The following ANAPC1 variants were observed in gnomAD, a reference collection of about 807,000 sequenced individuals.
ANAPC1 encodes the protein anaphase promoting complex subunit 1.
In ANAPC1, 36 loss-of-function variants were observed where a neutral mutation model predicts 208.0. The ratio of observed to expected loss-of-function variants is 0.17; its 90% confidence interval spans 0.13 to 0.23. The LOEUF (loss-of-function observed/expected upper bound fraction) is 0.23. Ranked by LOEUF, ANAPC1 falls within the 10% of genes least tolerant of loss-of-function variation. The pLI is 1.00. For missense variants in ANAPC1, 942 were observed against 2,011.6 expected, an observed-to-expected ratio of 0.47 and a Z score of 10.17; for synonymous variants, 378 against 695.2, an observed-to-expected ratio of 0.54 and a Z score of 7.18.
intron 18 of ANAPC1, among the ~76,000 whole-genome samples, chr2:111,836,295 A>T (rs1038995866): frequency 6.6e-6 from 1 of 151,808 alleles, no homozygotes; most frequent in African/African-American, 2.4e-5. Flanking sequence ...ATTTAAAAGA[A>T]ATTAAATTAA....
intron 28 of ANAPC1, among the ~76,000 whole-genome samples, chr2:111,810,301 G>GT (rs944543490): frequency 8.5e-5 from 12 of 140,956 alleles, no homozygotes; most frequent in African/African-American, 3.1e-4. Context: ...TGAAGTGAAG[G>GT]TGGGGGGGGG....
chr2:111,831,578 G>A (rs1680133247), intron 20 of ANAPC1, 144 bp from the exon 21 acceptor site: 11 of 762,922 alleles, frequency 1.4e-5, no homozygotes, highest in South Asian at 7.5e-5. Flanking sequence ...AGTGGCTCAC[G>A]CCTGTAACCC....
intron 38 of ANAPC1, among the ~76,000 whole-genome samples, 191 bp downstream of exon 38, chr2:111,792,171 T>C: frequency 6.7e-6 from 1 of 150,130 alleles, no homozygotes; most frequent in Non-Finnish European, 1.5e-5. Flanking sequence ...GAGAGGATGG[T>C]AATTCTACTG....
intron 43 of ANAPC1, among the ~76,000 whole-genome samples, chr2:111,781,758 GAA>G (rs1298359281): frequency 1.3e-5 from 2 of 152,244 alleles, no homozygotes; most frequent in African/African-American, 4.8e-5. Flanking sequence ...TCTTGTGTTG[GAA>G]ACTTATCTGA....
chr2:111,864,752 T>G, intron 8 of ANAPC1, 54 bp downstream of exon 8: 21 of 1,606,372 alleles, frequency 1.3e-5, no homozygotes, highest in Non-Finnish European at 1.8e-5. Flanking sequence ...TGTGAGCCAG[T>G]GCACCCAGCC....
At chr2:111,799,329 A>G (rs1192906564) in intron 34 of ANAPC1, among the ~76,000 whole-genome samples, 1 of 152,220 alleles carries the variant, frequency 6.6e-6, no homozygotes, top group African/African-American at 2.4e-5. Flanking sequence ...GCAACAGCCA[A>G]CACTCTCAAA....
intron 28 of ANAPC1, among the ~76,000 whole-genome samples, chr2:111,810,882 CAAA>C (rs1162540899): frequency 5.4e-4 from 39 of 71,798 alleles, no homozygotes; most frequent in Admixed American, 1.9e-3. Context: ...GACTCCACAT[CAAA>C]AAAAAAAAAA....
rs183401861 is a variant in ANAPC1, at chr2:111,872,696, G to A, written c.545C>T (p.Pro182Leu). 341 of 1,613,408 alleles carry A rather than the reference G, an allele frequency of 2.1e-4. 11 individuals carry two copies. The highest frequency in any genetic ancestry group is 9.9e-4 in the Middle Eastern group (6 of 6,056). ...TTCAAACAGCAATCCATATTTAGTGGGCCAAACATTTGCAACCTTTCAGGT... is the reference window on the plus strand; with the variant it reads ...TTCAAACAGCAATCCATATTTAGTGAGCCAAACATTTGCAACCTTTCAGGT... ...SLPFQVANVW[P>L]TKYGLLFERS... The change falls in exon 6 of 48, where the codon CCC (proline) becomes CTC (leucine). Residue 182 changes from proline (P) to leucine (L), a missense_variant. Coordinates refer to ENST00000341068, the MANE Select transcript of ANAPC1 (RefSeq NM_022662.4).
intron 6 of ANAPC1, among the ~76,000 whole-genome samples, chr2:111,871,802 T>G (rs1682762698): frequency 6.6e-6 from 1 of 152,230 alleles, no homozygotes; most frequent in Non-Finnish European, 1.5e-5. Context: ...TTGTCATTGT[T>G]GCTGTATAGC....
intron 5 of ANAPC1, 123 bp from the exon 6 acceptor site, chr2:111,872,835 A>C (rs4848826): frequency 0.62 from 395,476 of 640,708 alleles, 123,214 homozygotes; most frequent in South Asian, 0.69. Context: ...AAAGTAACAT[A>C]ATCATTAAAT....
rs1437191682 is a variant in ANAPC1, at chr2:111,821,333, G to A, written c.3112C>T (p.Arg1038Ter). Reference protein sequence around the residue: ...WSEDLRVQDVRRLLQSAHPVR... With the variant: ...WSEDLRVQDV Reference sequence around the variant, plus strand: ...GGATGCGCACTCTGAAGAAGCCTTCGCACATCCTGCACCCTTAAATCTTCA... The same window carrying A: ...GGATGCGCACTCTGAAGAAGCCTTCACACATCCTGCACCCTTAAATCTTCA... Residue 1038 changes from arginine (R) to a stop codon, truncating the protein, a stop_gained, in exon 26 of 48, where the codon CGA becomes TGA. Transcript: ENST00000341068. LOFTEE classifies it high-confidence loss of function. 6 of 1,608,070 alleles carry A rather than the reference G, an allele frequency of 3.7e-6. No homozygotes were observed. Among genetic ancestry groups the A allele is most frequent in the East Asian group, 2.2e-5 (1 of 44,826 alleles).
chr2:111,793,832 T>C (rs1678022027), intron 37 of ANAPC1, among the ~76,000 whole-genome samples: 1 of 75,714 alleles, frequency 1.3e-5, no homozygotes, highest in East Asian at 3.1e-4. Flanking sequence ...CCCGTGAATA[T>C]TATGGCCTTT....
At chr2:111,827,788 A>G (rs965764989) in intron 21 of ANAPC1, among the ~76,000 whole-genome samples, 1 of 152,094 alleles carries the variant, frequency 6.6e-6, no homozygotes, top group African/African-American at 2.4e-5. Context: ...AAAAAGTCCA[A>G]TAAAACTTAT....
At chr2:111,847,610 G>T (rs1681163415) in intron 15 of ANAPC1, 115 bp downstream of exon 15, 2 of 1,312,128 alleles carry the variant, frequency 1.5e-6, no homozygotes, top group Admixed American at 2.9e-5. Flanking sequence ...TGACACAATA[G>T]ATTTTTTTAA....
At chr2:111,880,427 T>C (rs1683242276) in intron 2 of ANAPC1, 186 bp downstream of exon 2, 1 of 1,020,564 alleles carries the variant, frequency 9.8e-7, no homozygotes, top group Non-Finnish European at 1.4e-6. Context: ...ATAGAGGGTA[T>C]CTAAATAAGT....
At position 111,858,323 on chromosome 2, in the gene ANAPC1, C is replaced by T; in HGVS notation, c.1341G>A (p.Glu447=). 6.2e-7 allele frequency: 1 copy of T among 1,613,420 alleles called. No homozygotes were observed. Among genetic ancestry groups the T allele is most frequent in the Non-Finnish European group, 8.5e-7 (1 of 1,179,606 alleles). Residue 447 remains glutamate (E), a synonymous_variant, in exon 11 of 48, where the codon GAG becomes GAA. Coordinates refer to ENST00000341068, the MANE Select transcript of ANAPC1 (RefSeq NM_022662.4). ...CGQKFLCFLV[E]SQLQLRCVKF... Reference sequence around the variant, plus strand: ...ACACCTACCGTAACTGGAGCTGGGACTCTACTAAAAAGCACAGGAACTTTT... The same window carrying T: ...ACACCTACCGTAACTGGAGCTGGGATTCTACTAAAAAGCACAGGAACTTTT...
At chr2:111,873,695 A>C (rs557296692) in intron 3 of ANAPC1, 31 bp from the exon 4 acceptor site, 24 of 1,556,556 alleles carry the variant, frequency 1.5e-5, no homozygotes, top group South Asian at 1.1e-4. Flanking sequence ...TTACCTAAGA[A>C]AATTATATCT....
chr2:111,835,320 T>C (rs1305281598), intron 18 of ANAPC1, among the ~76,000 whole-genome samples: 3 of 152,264 alleles, frequency 2.0e-5, no homozygotes, highest in Non-Finnish European at 4.4e-5. Flanking sequence ...GCTAGTAATA[T>C]AATCTAATAA....
chr2:111,771,876 T>G (rs1288612847), intron 47 of ANAPC1, among the ~76,000 whole-genome samples: 1 of 152,022 alleles, frequency 6.6e-6, no homozygotes, highest in African/African-American at 2.4e-5. Context: ...TCTGTTTCTA[T>G]ATTCTGAAAA....
Sources: allele counts gnomAD v4.1 joint callset (sites outside exome capture counted in the v4.1 genomes callset), GRCh38; gene constraint gnomAD v4.1.1; transcripts MANE v1.5; gene names NCBI Gene and HGNC (gene_info 2026-07-23, HGNC 2026-07-21).